Variants in FRMD4A observed in about 807,000 individuals in gnomAD.
FRMD4A encodes the protein FERM domain-containing protein 4A.
A neutral mutation model predicts 129.1 loss-of-function variants in FRMD4A; 29 were observed. The observed-to-expected ratio is 0.22, with a 90% confidence interval of 0.17 to 0.31. FRMD4A has a LOEUF of 0.31. Ranked by LOEUF, FRMD4A falls within the 10% of genes least tolerant of loss-of-function variation. FRMD4A has a pLI of 1.00. For synonymous variants in FRMD4A, 634 were observed against 571.6 expected, an observed-to-expected ratio of 1.11 and a Z score of -1.56; for missense variants, 1,272 against 1,375.8, an observed-to-expected ratio of 0.92 and a Z score of 1.19.
At chr10:13,715,466 TG>T (rs1338520632) in intron 12 of FRMD4A, among the ~76,000 whole-genome samples, 1 of 152,268 alleles carries the variant, frequency 6.6e-6, no homozygotes. Flanking sequence ...TTACCGGCTG[TG>T]TATTCTCAGC....
chr10:13,728,270 T>C (rs1468896185), intron 12 of FRMD4A, among the ~76,000 whole-genome samples: 1 of 152,140 alleles, frequency 6.6e-6, no homozygotes, highest in Non-Finnish European at 1.5e-5. Flanking sequence ...TAAACCCCCA[T>C]GTGGTGGGCA....
intron 2 of FRMD4A, among the ~76,000 whole-genome samples, chr10:13,955,112 C>CTTT (rs71388139): frequency 3.9e-5 from 4 of 102,958 alleles, no homozygotes; most frequent in Non-Finnish European, 5.4e-5. Flanking sequence ...AATAATTCTG[C>CTTT]TTTTTTTTTT....
intron 2 of FRMD4A, among the ~76,000 whole-genome samples, chr10:14,288,352 A>C (rs1448624220): frequency 6.6e-6 from 1 of 152,142 alleles, no homozygotes; most frequent in African/African-American, 2.4e-5. Context: ...GAGGTAAGGG[A>C]AGGAGACAAA....
At chr10:14,308,399 TTA>T (rs1846424475) in intron 2 of FRMD4A, among the ~76,000 whole-genome samples, 1 of 151,428 alleles carries the variant, frequency 6.6e-6, no homozygotes, top group African/African-American at 2.4e-5. Flanking sequence ...CAATTTATTA[TTA>T]TTTTTTTTTC....
chr10:14,127,204 T>C (rs1045889156), intron 2 of FRMD4A, among the ~76,000 whole-genome samples: 10 of 152,164 alleles, frequency 6.6e-5, no homozygotes, highest in Admixed American at 6.5e-5. Context: ...AGGCTCAGCA[T>C]TCAGGTGGAG....
At chr10:14,036,425 C>T (rs970003482) in intron 2 of FRMD4A, among the ~76,000 whole-genome samples, 9 of 152,200 alleles carry the variant, frequency 5.9e-5, no homozygotes, top group African/African-American at 1.7e-4. Flanking sequence ...GAAAGATAAA[C>T]ACCCCGCCTT....
At chr10:13,915,620 C>T (rs1178125102) in intron 2 of FRMD4A, among the ~76,000 whole-genome samples, 3 of 149,608 alleles carry the variant, frequency 2.0e-5, no homozygotes, top group Admixed American at 6.7e-5. Context: ...TGCAGTGAGC[C>T]GAGATCACGC....
chr10:13,854,144 G>A (rs1279432981), intron 3 of FRMD4A, among the ~76,000 whole-genome samples: 1 of 152,146 alleles, frequency 6.6e-6, no homozygotes, highest in Non-Finnish European at 1.5e-5. Flanking sequence ...ACCCCATCTA[G>A]CAACTCTCAC....
rs1554984653 is a variant in FRMD4A, at chr10:13,951,929, T to TAATAATAATAATAATAATAAA, written c.46-93018_46-93017insTTTATTATTATTATTATTATT. Among the ~76,000 whole-genome samples the TAATAATAATAATAATAATAAA allele has an allele frequency of 2.4e-3, 345 of 145,950 alleles. 1 individual carries two copies. Among genetic ancestry groups the TAATAATAATAATAATAATAAA allele is most frequent in the East Asian group, 3.8e-3 (19 of 5,052 alleles). ...ATAATAATAATAATAATAATAATAA[T>TAATAATAATAATAATAATAAA]AAACAATCTAAAATTTTACAGAGAA... On this transcript the variant is annotated intron_variant, in intron 2 of 24. Coordinates refer to ENST00000357447, the MANE Select transcript of FRMD4A (RefSeq NM_018027.5).
intron 3 of FRMD4A, among the ~76,000 whole-genome samples, chr10:13,848,147 T>C (rs1197284113): frequency 2.6e-5 from 4 of 152,174 alleles, no homozygotes; most frequent in African/African-American, 9.7e-5. Context: ...AGCATGTAGT[T>C]TAATGTCCTA....
chr10:14,242,769 T>G (rs1241711303), intron 2 of FRMD4A, among the ~76,000 whole-genome samples: 1 of 152,128 alleles, frequency 6.6e-6, no homozygotes, highest in Admixed American at 6.5e-5. Context: ...GAGTCAGAAG[T>G]CAAAGAGATT....
intron 19 of FRMD4A, among the ~76,000 whole-genome samples, chr10:13,663,138 C>T (rs1270936550): frequency 2.0e-5 from 3 of 150,738 alleles, no homozygotes; most frequent in Non-Finnish European, 4.4e-5. Flanking sequence ...TGTAGTGAGC[C>T]GAGATCATAC....
At chr10:14,198,363 A>T (rs1392818515) in intron 2 of FRMD4A, among the ~76,000 whole-genome samples, 1 of 152,204 alleles carries the variant, frequency 6.6e-6, no homozygotes, top group African/African-American at 2.4e-5. Flanking sequence ...TGCAATTGCT[A>T]CTAGGCAGCG....
In FRMD4A at chr10:13,663,442, C is replaced by A; in HGVS notation, c.1660+11G>T. ...GCTGTAGGTTTGTAAGCAGGAAATG[C>A]ATAAACCTACCATCCTCAAGAACAA... On this transcript the variant is annotated intron_variant, in intron 19 of 24. Transcript: ENST00000357447. 1 of 1,378,376 alleles carries A rather than the reference C, an allele frequency of 7.3e-7. No homozygotes were observed. The highest frequency in any genetic ancestry group is 1.0e-6 in the Non-Finnish European group (1 of 964,364). 85.4% of individuals were successfully genotyped at this position (1,378,376 alleles called of 1,614,324 possible).
At chr10:13,769,238 T>TGTGTGTGC (rs1491519246) in intron 6 of FRMD4A, among the ~76,000 whole-genome samples, 1 of 148,132 alleles carries the variant, frequency 6.8e-6, no homozygotes, top group South Asian at 2.2e-4. Flanking sequence ...TGTGTGTGTG[T>TGTGTGTGC]GCGTATGTGT....
rs1403741485 is a variant in FRMD4A at position 13,713,859 on chromosome 10, AAT to A, written c.760-6748_760-6747del. On this transcript the variant is annotated intron_variant, in intron 12 of 24. Coordinates refer to ENST00000357447, the MANE Select transcript of FRMD4A (RefSeq NM_018027.5). The stretch of plus-strand genomic sequence containing the variant: ...ATGTAATATATATACACATATATAT[AAT>A]ATATATACATATATGTAATATATAT... Among the ~76,000 whole-genome samples the A allele has an allele frequency of 2.0e-3, 2 of 998 alleles. 1 individual carries two copies. Among genetic ancestry groups the A allele is most frequent in the Non-Finnish European group, 3.2e-3 (2 of 626 alleles). 0.7% of individuals were successfully genotyped at this position (998 alleles called of 152,430 possible). A position where few individuals can be genotyped will look rare whatever the true frequency, so the allele number is the denominator to read the frequency against.
Position 13,654,422 on chromosome 10 carries a change from T to A in FRMD4A, c.3044A>T (p.Gln1015Leu), listed in dbSNP as rs780296999. 4.4e-6 allele frequency: 7 copies of A among 1,600,456 alleles called. No individual in the cohort carries two copies. Among genetic ancestry groups the A allele is most frequent in the Non-Finnish European group, 6.0e-6 (7 of 1,167,456 alleles). Reference protein sequence around the residue: ...PSSPHHILTWQTGEATENSPI... With the variant: ...PSSPHHILTWLTGEATENSPI... ...ACATAGAAGGAGAACTCACCCAGTC[T>A]GCCAGGTTAGGATGTGGTGGGGGCT... Residue 1015 changes from glutamine (Q) to leucine (L), a missense_variant, in exon 23 of 25, where the codon CAG becomes CTG. Gln to Leu is a moderately radical substitution (Grantham distance 113, BLOSUM62 -2). Transcript: ENST00000357447.
At chr10:14,228,020 C>T (rs746346493) in intron 2 of FRMD4A, among the ~76,000 whole-genome samples, 4 of 152,050 alleles carry the variant, frequency 2.6e-5, no homozygotes, top group Admixed American at 1.3e-4. Context: ...ACTACAGGTG[C>T]GTGCCACTAT....
intron 2 of FRMD4A, among the ~76,000 whole-genome samples, chr10:14,102,991 T>C (rs1331698594): frequency 6.6e-6 from 1 of 152,206 alleles, no homozygotes; most frequent in Non-Finnish European, 1.5e-5. Flanking sequence ...TTTATTTTCC[T>C]GGAATTGAAA....
Sources: gnomAD v4.1 joint callset for allele counts (sites outside exome capture counted in the v4.1 genomes callset) on GRCh38, gnomAD v4.1.1 for gene constraint, MANE v1.5 for transcripts, NCBI Gene and HGNC (gene_info 2026-07-23, HGNC 2026-07-21) for gene names.